Variants in SEC14L1 observed in about 807,000 individuals in gnomAD.
SEC14L1 encodes the protein SEC14 like lipid binding 1.
In SEC14L1, 48 loss-of-function variants were observed where a neutral mutation model predicts 85.3. The ratio of observed to expected loss-of-function variants is 0.56; its 90% CI spans 0.45 to 0.72. The LOEUF (loss-of-function observed/expected upper bound fraction) is 0.72. Among genes scored for constraint, SEC14L1 ranks in the 30% least tolerant of loss-of-function variants. SEC14L1 has a pLI of 0.00. For missense variants in SEC14L1, 682 were observed against 921.4 expected (o/e 0.74, Z 3.36); for synonymous variants, 391 against 355.5 (o/e 1.10, Z -1.12).
In SEC14L1 at chr17:77,212,085, A is replaced by G. The variant is rs748659173; in HGVS notation, c.1747A>G (p.Ser583Gly). 6.2e-7 allele frequency: 1 copy of G among 1,614,206 alleles called. No individual in the cohort carries two copies. Among genetic ancestry groups the G allele is most frequent in the Non-Finnish European group, 8.5e-7 (1 of 1,180,040 alleles). ...CAAAAAGGACTCCCTGGGAGCCCAC[A>G]GCATCACCTCTCCGGGTGGGAACAA... ...PPKKDSLGAHSITSPGGNNVQ... is the reference protein window; with the variant it reads ...PPKKDSLGAHGITSPGGNNVQ... Residue 583 changes from serine to glycine, a missense_variant, in exon 15 of 17, where the codon AGC becomes GGC. Transcript: ENST00000436233.
intron 14 of SEC14L1, chr17:77,210,951 G>T (rs1382548283): frequency 6.6e-6 from 1 of 152,284 alleles, no homozygotes; most frequent in Non-Finnish European, 1.5e-5. Flanking sequence ...CACTGTGAAT[G>T]CAGGAAAGAG....
intron 5 of SEC14L1, 49 bp from the exon 6 acceptor site, chr17:77,193,372 T>C (rs1328767796): frequency 2.3e-5 from 36 of 1,534,970 alleles, no homozygotes; most frequent in Non-Finnish European, 3.0e-5. Flanking sequence ...AGGCAGATGA[T>C]ATTCTGTTGT....
chr17:77,185,195 T>C, intron 3 of SEC14L1: 1 of 985,392 alleles, frequency 1.0e-6, no homozygotes, highest in Non-Finnish European at 1.2e-6. Flanking sequence ...ATAAAAAGTC[T>C]CTGCCCTGCA....
intron 3 of SEC14L1, among the ~76,000 whole-genome samples, chr17:77,105,482 A>G (rs1057015046): frequency 2.0e-5 from 3 of 149,928 alleles, no homozygotes; most frequent in Non-Finnish European, 4.4e-5. Context: ...CCCTCTTTCC[A>G]TGATATAGTC....
chr17:77,149,865 T>G (rs1166500764), intron 3 of SEC14L1, among the ~76,000 whole-genome samples: 2 of 152,086 alleles, frequency 1.3e-5, no homozygotes, highest in African/African-American at 4.8e-5. Flanking sequence ...TGTTTTTTTT[T>G]TTTTTTTTTA....
intron 9 of SEC14L1, among the ~76,000 whole-genome samples, chr17:77,202,174 A>T (rs1051546598): frequency 1.3e-5 from 2 of 152,164 alleles, no homozygotes; most frequent in African/African-American, 4.8e-5. Flanking sequence ...GGCACCCATT[A>T]GACCTCCAGG....
intron 3 of SEC14L1, among the ~76,000 whole-genome samples, chr17:77,107,337 GCT>G (rs767489807): frequency 5.3e-5 from 8 of 152,284 alleles, no homozygotes; most frequent in Non-Finnish European, 8.8e-5. Context: ...AGGGATGGAG[GCT>G]CAGGGACGAT....
intron 3 of SEC14L1, among the ~76,000 whole-genome samples, chr17:77,177,932 T>A (rs984461255): frequency 6.6e-6 from 1 of 152,072 alleles, no homozygotes; most frequent in Non-Finnish European, 1.5e-5. Context: ...CCACTGTCAT[T>A]GGGGGACAGA....
chr17:77,158,241 G>A (rs1598317146), intron 3 of SEC14L1, among the ~76,000 whole-genome samples: 1 of 152,158 alleles, frequency 6.6e-6, no homozygotes, highest in Non-Finnish European at 1.5e-5. Context: ...TCACATCGTT[G>A]TGCAGCCACC....
rs572494881 is a variant in SEC14L1 at position 77,145,368 on chromosome 17, A to G, written c.63+1709A>G. On this transcript the variant is annotated intron_variant, in intron 3 of 16. Coordinates refer to ENST00000436233, the MANE Select transcript of SEC14L1 (RefSeq NM_001143998.2). ...TAGTTTTAACAAAAGAATCCCTCAC[A>G]CCTTTGTGAAAACACAGGACATTTG... Among the ~76,000 whole-genome samples, 8 of 152,174 alleles carry G rather than the reference A, an allele frequency of 5.3e-5. No individual in the cohort carries two copies. The South Asian group carries it at 1.5e-3, about 28-fold the overall frequency.
At chr17:77,211,253 G>GTT (rs1976737012) in intron 14 of SEC14L1, 1 of 152,518 alleles carries the variant, frequency 6.6e-6, no homozygotes, top group Admixed American at 6.6e-5. Flanking sequence ...CTTAGGTGGA[G>GTT]TTTTCAGTGA....
intron 3 of SEC14L1, among the ~76,000 whole-genome samples, chr17:77,132,145 C>T (rs756678711): frequency 6.6e-6 from 1 of 152,062 alleles, no homozygotes; most frequent in Non-Finnish European, 1.5e-5. Context: ...ATCAGTCATG[C>T]CTTGCAAGGC....
chr17:77,139,160 ATTTTTTT>A (rs749541191), upstream of SEC14L1, among the ~76,000 whole-genome samples: 37 of 120,138 alleles, frequency 3.1e-4, no homozygotes, highest in Middle Eastern at 0.023. Context: ...GGTCAGGTGA[ATTTTTTT>A]TTTTTTTTTT....
Position 77,157,340 on chromosome 17 carries a change from C to T in SEC14L1, c.63+13681C>T, listed in dbSNP as rs147217952. On this transcript the variant is annotated intron_variant, in intron 3 of 16. Coordinates refer to ENST00000436233, the MANE Select transcript of SEC14L1 (RefSeq NM_001143998.2). ...ACAAAGTTGGTTTATAATGTAAATT[C>T]GAAGAGTTCCAAATCCTAATTCTTC... Among the ~76,000 whole-genome samples the T allele has an allele frequency of 9.7e-3, 1,478 of 152,228 alleles. 14 individuals carry two copies. The highest frequency in any genetic ancestry group is 0.026 in the South Asian group (127 of 4,816).
At chr17:77,195,782 T>A (rs573889154) in intron 7 of SEC14L1, among the ~76,000 whole-genome samples, 10 of 152,168 alleles carry the variant, frequency 6.6e-5, no homozygotes, top group Non-Finnish European at 8.8e-5. Flanking sequence ...GCCACCAGAT[T>A]TCTTACATTC....
At chr17:77,134,687 T>C (rs1158667414) in intron 3 of SEC14L1, among the ~76,000 whole-genome samples, 2 of 152,214 alleles carry the variant, frequency 1.3e-5, no homozygotes, top group African/African-American at 4.8e-5. Context: ...GCCGAGATTG[T>C]GCCACTGCAC....
chr17:77,179,960 AGCCGCCGC>A (rs1974939299), intron 3 of SEC14L1, among the ~76,000 whole-genome samples: 1 of 151,662 alleles, frequency 6.6e-6, no homozygotes. Flanking sequence ...TACAGGCATG[AGCCGCCGC>A]GCCTGGCCTA....
At chr17:77,097,967 G>T (rs764807380) in intron 3 of SEC14L1, among the ~76,000 whole-genome samples, 1 of 152,120 alleles carries the variant, frequency 6.6e-6, no homozygotes, top group Non-Finnish European at 1.5e-5. Context: ...GTGAGAGTAA[G>T]TCACATGATG....
intron 2 of SEC14L1, chr17:77,089,894 G>C (rs529690814): frequency 2.4e-5 from 4 of 165,250 alleles, no homozygotes; most frequent in African/African-American, 7.2e-5. Context: ...GCATGTGCCT[G>C]TAATCCCAGC....
Sources: gnomAD v4.1 joint callset for allele counts (sites outside exome capture counted in the v4.1 genomes callset) on GRCh38, gnomAD v4.1.1 for gene constraint, MANE v1.5 for transcripts, NCBI Gene and HGNC (gene_info 2026-07-23, HGNC 2026-07-21) for gene names.